The following SORCS3 variants were observed in gnomAD, a reference collection of about 807,000 sequenced individuals.
SORCS3 encodes VPS10 domain-containing receptor SorCS3.
A neutral mutation model predicts 146.3 loss-of-function variants in SORCS3; 57 were observed. The ratio of observed to expected loss-of-function variants is 0.39; its 90% CI spans 0.31 to 0.49. The LOEUF is 0.49. Ranked by LOEUF, SORCS3 falls within the 20% of genes least tolerant of loss-of-function variation. SORCS3 has a pLI of 0.92. For synonymous variants in SORCS3, 653 were observed against 618.5 expected (o/e 1.06, Z -0.83); for missense variants, 1,341 against 1,575.5 (o/e 0.85, Z 2.52).
intron 1 of SORCS3, among the ~76,000 whole-genome samples, chr10:104,829,151 G>T (rs2017973662): frequency 6.6e-6 from 1 of 152,142 alleles, no homozygotes; most frequent in African/African-American, 2.4e-5. Flanking sequence ...CCATATCAAA[G>T]AAACATTTAA....
At chr10:104,801,185 G>A (rs898070426) in intron 1 of SORCS3, among the ~76,000 whole-genome samples, 2 of 152,118 alleles carry the variant, frequency 1.3e-5, no homozygotes, top group Non-Finnish European at 2.9e-5. Flanking sequence ...TAATCTCTCT[G>A]TGCCCAGACT....
intron 3 of SORCS3, among the ~76,000 whole-genome samples, chr10:104,976,330 T>C (rs1266312052): frequency 6.6e-6 from 1 of 152,096 alleles, no homozygotes; most frequent in African/African-American, 2.4e-5. Flanking sequence ...TCACTGGCCA[T>C]CAGAGAAATG....
intron 9 of SORCS3, among the ~76,000 whole-genome samples, chr10:105,155,252 G>T (rs2056198665): frequency 6.6e-6 from 1 of 152,212 alleles, no homozygotes; most frequent in Non-Finnish European, 1.5e-5. Flanking sequence ...ACAAGAGGTT[G>T]CTGAGTGGCT....
chr10:105,095,238 C>A (rs577858336), intron 6 of SORCS3, among the ~76,000 whole-genome samples: 1 of 152,272 alleles, frequency 6.6e-6, no homozygotes, highest in African/African-American at 2.4e-5. Flanking sequence ...TTTCCCTGGT[C>A]CCCGATCCAG....
chr10:105,215,522 C>A (rs544370535), intron 18 of SORCS3, among the ~76,000 whole-genome samples: 2 of 152,268 alleles, frequency 1.3e-5, no homozygotes, highest in South Asian at 4.1e-4. Context: ...AGCCTTCACT[C>A]ACAGCAGGTG....
chr10:104,662,600 C>T (rs2015716179), intron 1 of SORCS3, among the ~76,000 whole-genome samples: 1 of 152,236 alleles, frequency 6.6e-6, no homozygotes. Flanking sequence ...CAAGGTTGAA[C>T]TGCTGACCCC....
At chr10:105,133,943 G>C (rs2056039874) in intron 7 of SORCS3, among the ~76,000 whole-genome samples, 1 of 152,182 alleles carries the variant, frequency 6.6e-6, no homozygotes, top group South Asian at 2.1e-4. Flanking sequence ...GGGTGACAGA[G>C]TGAGACCCTG....
At chr10:104,935,326 A>G (rs905554132) in intron 3 of SORCS3, among the ~76,000 whole-genome samples, 1 of 152,194 alleles carries the variant, frequency 6.6e-6, no homozygotes, top group African/African-American at 2.4e-5. Context: ...TGCTTTCAGC[A>G]GATTTGGAGT....
intron 1 of SORCS3, among the ~76,000 whole-genome samples, chr10:104,742,858 G>C (rs987475683): frequency 6.6e-6 from 1 of 152,136 alleles, no homozygotes; most frequent in Admixed American, 6.5e-5. Context: ...GATTGACTTA[G>C]GGCTGAGACT....
intron 14 of SORCS3, among the ~76,000 whole-genome samples, chr10:105,182,228 A>ATTTTTTTTT (rs1306740780): frequency 5.8e-5 from 4 of 69,338 alleles, no homozygotes; most frequent in Non-Finnish European, 5.8e-5. Flanking sequence ...ACTATTCAGC[A>ATTTTTTTTT]TCTTTTTTTT....
At chr10:104,768,941 C>T (rs765222757) in intron 1 of SORCS3, among the ~76,000 whole-genome samples, 4 of 152,134 alleles carry the variant, frequency 2.6e-5, no homozygotes, top group Non-Finnish European at 5.9e-5. Flanking sequence ...CTATGCAGAC[C>T]GAATCCAAAT....
intron 14 of SORCS3, among the ~76,000 whole-genome samples, chr10:105,185,536 TG>T (rs1194837329): frequency 2.6e-5 from 4 of 152,360 alleles, no homozygotes; most frequent in South Asian, 2.1e-4. Flanking sequence ...ATTTTAAATT[TG>T]TGATTCACAA....
chr10:104,678,617 C>CCCTA (rs1346802858), intron 1 of SORCS3, among the ~76,000 whole-genome samples: 1 of 152,148 alleles, frequency 6.6e-6, no homozygotes, highest in Non-Finnish European at 1.5e-5. Flanking sequence ...GACTTGCTGC[C>CCCTA]CCTACTGTTA....
At chr10:104,859,600 G>A (rs1430740906) in intron 2 of SORCS3, among the ~76,000 whole-genome samples, 1 of 152,146 alleles carries the variant, frequency 6.6e-6, no homozygotes, top group Admixed American at 6.5e-5. Context: ...CTTCTGCACA[G>A]CAAAAGAAAC....
intron 1 of SORCS3, among the ~76,000 whole-genome samples, chr10:104,690,437 C>T (rs2016098203): frequency 1.3e-5 from 2 of 152,174 alleles, no homozygotes. Context: ...CCATACTTTA[C>T]AGATGAGGAG....
chr10:105,158,985 G>T lies in SORCS3; in HGVS notation c.1723G>T (p.Val575Leu), dbSNP rs2056237926. 2 of 1,608,600 alleles carry T rather than the reference G, an allele frequency of 1.2e-6. No individual in the cohort carries two copies. The highest frequency in any genetic ancestry group is 1.7e-6 in the Non-Finnish European group (2 of 1,175,842). The change falls in exon 11 of 27, where the codon GTG becomes TTG. Residue 575 changes from valine (V) to leucine (L), a missense_variant. Val to Leu is a conservative substitution (Grantham distance 32). Coordinates refer to ENST00000369701, the MANE Select transcript of SORCS3 (RefSeq NM_014978.3). ...SSKETAPGLV[V>L]ATGNIGPELS... ...CAAGGAGACAGCCCCAGGACTTGTG[G>T]TGGCTACAGGTAAGAAAAACATTCC...
intron 1 of SORCS3, among the ~76,000 whole-genome samples, chr10:104,763,397 C>G (rs1053057153): frequency 6.6e-6 from 1 of 152,136 alleles, no homozygotes; most frequent in African/African-American, 2.4e-5. Context: ...GTACAGAGTA[C>G]CTTAAAATAG....
At chr10:105,201,727 C>A (rs1021910222) in intron 16 of SORCS3, among the ~76,000 whole-genome samples, 1 of 152,136 alleles carries the variant, frequency 6.6e-6, no homozygotes, top group East Asian at 1.9e-4. Context: ...CACCTATAGA[C>A]AATTACTCCC....
At chr10:104,979,801 T>C (rs2054922264) in intron 4 of SORCS3, among the ~76,000 whole-genome samples, 1 of 152,188 alleles carries the variant, frequency 6.6e-6, no homozygotes, top group Admixed American at 6.5e-5. Context: ...AGATAGTCTG[T>C]GACTTTAGAG....
Sources: allele counts gnomAD v4.1 joint callset (sites outside exome capture counted in the v4.1 genomes callset), GRCh38; gene constraint gnomAD v4.1.1; transcripts MANE v1.5; gene names NCBI Gene and HGNC (gene_info 2026-07-23, HGNC 2026-07-21).